SHROOM2: variants seen among roughly 807,000 people sequenced by gnomAD.
SHROOM2 encodes protein Shroom2.
In SHROOM2, 33 loss-of-function variants were observed where a neutral mutation model predicts 75.9. That is an observed-to-expected ratio of 0.43 (90% CI 0.33 to 0.58). The LOEUF is 0.58. Ranked by LOEUF, SHROOM2 falls within the 20% of genes least tolerant of loss-of-function variation. The pLI is 0.04. For synonymous variants in SHROOM2, 655 were observed against 663.6 expected, an observed-to-expected ratio of 0.99 and a Z score of 0.20; for missense variants, 1,434 against 1,461.2, an observed-to-expected ratio of 0.98 and a Z score of 0.30.
intron 1 of SHROOM2, among the ~76,000 whole-genome samples, chrX:9,837,162 G>A (rs975097867): frequency 8.9e-6 from 1 of 112,571 alleles, no homozygotes; most frequent in Non-Finnish European, 1.9e-5. Context: ...CCTGACAAGA[G>A]TGGTTCCCAC....
In SHROOM2 at chrX:9,802,579, T is replaced by C. The variant is rs142006478; in HGVS notation, c.165+15869T>C. 9.3e-3 allele frequency among the ~76,000 whole-genome samples: 1,035 copies of C among 111,641 alleles called. 6 individuals are homozygous for C. Among genetic ancestry groups the C allele is most frequent in the African/African-American group, 0.03 (928 of 30,723 alleles). ...TGCCCTCGGTGGCCCTCTGTAATCA[T>C]TGGTCTTGCAGCATCCTCAAGCCTA... On this transcript the variant is annotated intron_variant, in intron 1 of 9. Transcript: ENST00000380913.
chrX:9,859,336 C>G (rs1453259962), intron 1 of SHROOM2, among the ~76,000 whole-genome samples: 3 of 112,618 alleles, frequency 2.7e-5, no homozygotes, highest in African/African-American at 9.7e-5. Flanking sequence ...TCTGTTCATC[C>G]TCTCCAGAAA....
intron 5 of SHROOM2, among the ~76,000 whole-genome samples, chrX:9,915,568 T>C (rs2084482654): frequency 9.0e-6 from 1 of 111,721 alleles, no homozygotes; most frequent in African/African-American, 3.3e-5. Context: ...TATAAAATTA[T>C]TCCGTTAAAA....
intron 1 of SHROOM2, among the ~76,000 whole-genome samples, chrX:9,861,289 C>T (rs2084102216): frequency 8.9e-6 from 1 of 111,803 alleles, no homozygotes; most frequent in African/African-American, 3.3e-5. Context: ...GCCTCAGCCT[C>T]CCAGGTAGCT....
At chrX:9,883,217 A>G (rs752795082) in intron 2 of SHROOM2, among the ~76,000 whole-genome samples, 29 of 112,323 alleles carry the variant, frequency 2.6e-4, no homozygotes, top group Non-Finnish European at 4.7e-4. Context: ...AGAGGAAGGA[A>G]GGGTGGAAGT....
chrX:9,945,663 G>T (rs745346814), intron 9 of SHROOM2, among the ~76,000 whole-genome samples: 10 of 111,622 alleles, frequency 9.0e-5, no homozygotes, highest in Non-Finnish European at 1.7e-4. Context: ...AGTACTCAAT[G>T]ATAGCTATTT....
intron 5 of SHROOM2, among the ~76,000 whole-genome samples, chrX:9,928,699 C>G (rs189845341): frequency 0.015 from 1,691 of 110,694 alleles, 30 homozygotes; most frequent in African/African-American, 0.052. Context: ...CACACACATA[C>G]AACACACATG....
chrX:9,807,758 C>T (rs2083762800), intron 1 of SHROOM2, among the ~76,000 whole-genome samples: 1 of 112,311 alleles, frequency 8.9e-6, no homozygotes, highest in South Asian at 3.7e-4. Context: ...AGGCATTTCT[C>T]ACTGTCTAAA....
chrX:9,898,179 G>A lies in SHROOM2; in HGVS notation c.2791-11G>A. The A allele has an allele frequency of 2.6e-6, 3 of 1,164,093 alleles. No homozygotes were observed. Among genetic ancestry groups the A allele is most frequent in the Non-Finnish European group, 3.5e-6 (3 of 866,694 alleles). ...TGAGGACTTGGTGTCTCATTATGTT[G>A]CCCTTTGCAGGAAGCTTCTGTCGAA... On this transcript the variant is annotated splice_polypyrimidine_tract_variant and intron_variant, in intron 4 of 9. Transcript: ENST00000380913.
chrX:9,943,014 G>A (rs1250813406), intron 8 of SHROOM2, among the ~76,000 whole-genome samples: 1 of 110,363 alleles, frequency 9.1e-6, no homozygotes, highest in Non-Finnish European at 1.9e-5. Context: ...GCTTTGGGCA[G>A]GTAAAAGTTT....
At chrX:9,927,812 G>C (rs1039010435) in intron 5 of SHROOM2, among the ~76,000 whole-genome samples, 3 of 110,554 alleles carry the variant, frequency 2.7e-5, no homozygotes, top group African/African-American at 9.9e-5. Flanking sequence ...GTGAGCAATG[G>C]GATGATTTGA....
chrX:9,844,445 G>A (rs975591277), intron 1 of SHROOM2, among the ~76,000 whole-genome samples: 5 of 110,744 alleles, frequency 4.5e-5, no homozygotes, highest in South Asian at 3.8e-4. Context: ...TTGGGAGGTC[G>A]GGGCTGCAGT....
chrX:9,937,752 A>G, intron 7 of SHROOM2, 67 bp downstream of exon 7: 2 of 942,220 alleles, frequency 2.1e-6, no homozygotes, highest in Non-Finnish European at 2.9e-6. Context: ...TGTAAAGGGA[A>G]GGGGGTCTGC....
chrX:9,863,085 C>T (rs2084113403), intron 1 of SHROOM2, among the ~76,000 whole-genome samples: 1 of 110,906 alleles, frequency 9.0e-6, no homozygotes, highest in African/African-American at 3.3e-5. Flanking sequence ...AGACTGTCAC[C>T]CCTTGCCACA....
chrX:9,903,523 G>A (rs1390679762), intron 5 of SHROOM2, among the ~76,000 whole-genome samples: 2 of 111,578 alleles, frequency 1.8e-5, no homozygotes, highest in African/African-American at 3.3e-5. Flanking sequence ...CATGGGTCTA[G>A]CGGACTTCCC....
At position 9,932,614 on chromosome X, in the gene SHROOM2, C is replaced by T. The variant is rs1223176559; in HGVS notation, c.3331C>T (p.Leu1111Phe). ...GGATGTGTATGTGGCCCGCCTGTCC[C>T]TCTCCCACAGCCCCTCTGTGTTCAG... ...SLDVYVARLSLSHSPSVFSSA... is the reference protein window; with the variant it reads ...SLDVYVARLSFSHSPSVFSSA... The change falls in exon 6 of 10, where the codon CTC (leucine) becomes TTC (phenylalanine). Residue 1111 changes from leucine (L) to phenylalanine (F), a missense_variant. By Grantham distance (22) the Leu-to-Phe change is conservative. This residue lies in a region of SHROOM2 where 1,340 missense variants were observed against 1,338.3 expected (regional missense o/e 1.00). Transcript: ENST00000380913. 1.7e-6 allele frequency: 2 copies of T among 1,211,617 alleles called. No homozygotes were observed. The highest frequency in any genetic ancestry group is 4.3e-5 in the Admixed American group (2 of 46,104).
At chrX:9,911,279 C>T (rs189628745) in intron 5 of SHROOM2, among the ~76,000 whole-genome samples, 2 of 111,817 alleles carry the variant, frequency 1.8e-5, no homozygotes, top group African/African-American at 6.5e-5. Flanking sequence ...GCAGAGCAAC[C>T]TTGCTCGCAG....
chrX:9,856,056 G>C (rs371973662), intron 1 of SHROOM2, among the ~76,000 whole-genome samples: 1 of 90,979 alleles, frequency 1.1e-5, no homozygotes, highest in Non-Finnish European at 2.1e-5. Flanking sequence ...AAGCAAAACC[G>C]AATGAACTTG....
chrX:9,849,352 C>T (rs781037308), intron 1 of SHROOM2, among the ~76,000 whole-genome samples: 3 of 112,079 alleles, frequency 2.7e-5, no homozygotes, highest in Non-Finnish European at 5.6e-5. Context: ...TTCTGCCCTC[C>T]TTCCCCAGAC....
Sources: allele counts gnomAD v4.1 joint callset (sites outside exome capture counted in the v4.1 genomes callset), GRCh38; gene constraint gnomAD v4.1.1; regional missense constraint gnomAD v4.1.1; transcripts MANE v1.5; gene names NCBI Gene and HGNC (gene_info 2026-07-23, HGNC 2026-07-21).